Variants in STAMBP observed in about 807,000 individuals in gnomAD.
STAMBP encodes the protein STAM binding protein.
In STAMBP, 31 loss-of-function variants were observed where a neutral mutation model predicts 50.7. That is an observed-to-expected ratio of 0.61 (90% confidence interval 0.46 to 0.83). The LOEUF (loss-of-function observed/expected upper bound fraction) is 0.83. Among genes scored for constraint, STAMBP ranks in the 40% least tolerant of loss-of-function variants. STAMBP has a pLI of 0.00. For missense variants in STAMBP, 472 were observed against 518.9 expected (o/e 0.91, Z 0.88); for synonymous variants, 211 against 192.4 (o/e 1.10, Z -0.80).
chr2:73,872,742 T>C (rs898201471), intron 10 of STAMBP, among the ~76,000 whole-genome samples: 3 of 152,174 alleles, frequency 2.0e-5, no homozygotes, highest in African/African-American at 7.2e-5. Context: ...TAAATTCAAG[T>C]CCCACAGGAC....
downstream of STAMBP, among the ~76,000 whole-genome samples, chr2:73,869,449 A>G (rs964076692): frequency 6.6e-6 from 1 of 152,222 alleles, no homozygotes; most frequent in Non-Finnish European, 1.5e-5. Flanking sequence ...TAAAGATGCT[A>G]CGTCTTCTTT....
intron 1 of STAMBP, 124 bp downstream of exon 1, chr2:73,829,634 G>C (rs542194802): frequency 2.6e-5 from 4 of 152,328 alleles, no homozygotes; most frequent in East Asian, 3.9e-4. Flanking sequence ...AGGAGGCCTC[G>C]TGAGAGATGG....
downstream of STAMBP, among the ~76,000 whole-genome samples, chr2:73,868,116 C>A: frequency 7.2e-6 from 1 of 139,822 alleles, no homozygotes; most frequent in Admixed American, 7.2e-5. Flanking sequence ...AAGAGCAAAA[C>A]TCTGTCTCAA....
At chr2:73,832,108 T>TATATATATATATACAC (rs1006072205) in intron 2 of STAMBP, among the ~76,000 whole-genome samples, 38 of 122,896 alleles carry the variant, frequency 3.1e-4, no homozygotes, top group South Asian at 7.4e-4. Context: ...TATATATATA[T>TATATATATATATACAC]ACACATATAT....
At chr2:73,853,312 G>A (rs957343139) in intron 7 of STAMBP, among the ~76,000 whole-genome samples, 1 of 152,182 alleles carries the variant, frequency 6.6e-6, no homozygotes, top group African/African-American at 2.4e-5. Flanking sequence ...ATGGAATGGT[G>A]GTTTAAGGAG....
intron 9 of STAMBP, among the ~76,000 whole-genome samples, chr2:73,861,078 T>A (rs1010113573): frequency 6.6e-6 from 1 of 152,190 alleles, no homozygotes; most frequent in Admixed American, 6.5e-5. Context: ...ACTAGGATGT[T>A]GAAACAAAGA....
chr2:73,849,819 A>G (rs1461308642), intron 6 of STAMBP, among the ~76,000 whole-genome samples: 1 of 152,178 alleles, frequency 6.6e-6, no homozygotes, highest in Non-Finnish European at 1.5e-5. Flanking sequence ...TGTGTCCACG[A>G]AAAGTGCCCA....
At chr2:73,831,179 A>G in intron 2 of STAMBP, 120 bp downstream of exon 2, 1 of 768,550 alleles carries the variant, frequency 1.3e-6, no homozygotes. Context: ...TTTGCTGGCA[A>G]CTCCTACATA....
At chr2:73,840,611 G>A (rs115889577) in intron 2 of STAMBP, among the ~76,000 whole-genome samples, 3,008 of 151,934 alleles carry the variant, frequency 0.02, 99 homozygotes, top group African/African-American at 0.068. Context: ...GGGCGTGGTA[G>A]CAGGTGCCTC....
intron 4 of STAMBP, among the ~76,000 whole-genome samples, chr2:73,845,585 A>G (rs933644311): frequency 2.8e-4 from 43 of 152,212 alleles, no homozygotes; most frequent in African/African-American, 1.0e-3. Context: ...GGTTGGATTC[A>G]CATTTGGTTA....
At chr2:73,836,268 C>T (rs576115656) in intron 2 of STAMBP, among the ~76,000 whole-genome samples, 5 of 152,340 alleles carry the variant, frequency 3.3e-5, no homozygotes, top group East Asian at 1.9e-4. Context: ...GGCCCGTCGT[C>T]GGAACCTCCG....
At chr2:73,854,843 T>G (rs985513529) in intron 7 of STAMBP, among the ~76,000 whole-genome samples, 1 of 151,816 alleles carries the variant, frequency 6.6e-6, no homozygotes, top group African/African-American at 2.4e-5. Flanking sequence ...AAAAAAATTA[T>G]GCATTTGTGG....
chr2:73,853,246 A>T (rs13012471), intron 7 of STAMBP, among the ~76,000 whole-genome samples: 15,470 of 152,122 alleles, frequency 0.1, 1,786 homozygotes, highest in African/African-American at 0.28. Flanking sequence ...GTTTGTGGAG[A>T]CAATGAAGTA....
chr2:73,847,879 A>G, intron 5 of STAMBP, 126 bp downstream of exon 5: 1 of 1,255,864 alleles, frequency 8.0e-7, no homozygotes, highest in Middle Eastern at 2.8e-4. Flanking sequence ...AACCCATCTG[A>G]TAAGTATTGC....
intron 9 of STAMBP, 61 bp from the exon 10 acceptor site, chr2:73,862,142 A>G (rs1236749609): frequency 1.8e-5 from 26 of 1,461,282 alleles, no homozygotes; most frequent in Non-Finnish European, 2.2e-5. Context: ...ATATGAAGAA[A>G]AAAAAAAAAA....
chr2:73,849,927 C>T (rs548638917), intron 6 of STAMBP, among the ~76,000 whole-genome samples: 35 of 152,224 alleles, frequency 2.3e-4, no homozygotes, highest in African/African-American at 8.2e-4. Flanking sequence ...AAGGAAAGGT[C>T]ACTGAATGGA....
At chr2:73,835,322 C>CCA (rs1674579180) in intron 2 of STAMBP, among the ~76,000 whole-genome samples, 1 of 150,512 alleles carries the variant, frequency 6.6e-6, no homozygotes, top group Non-Finnish European at 1.5e-5. Flanking sequence ...GCACTGCACT[C>CCA]CAGCCTGGGT....
At chr2:73,837,912 G>T (rs1409065012) in intron 2 of STAMBP, among the ~76,000 whole-genome samples, 1 of 152,176 alleles carries the variant, frequency 6.6e-6, no homozygotes, top group Non-Finnish European at 1.5e-5. Context: ...AGGTTCAAGA[G>T]GCAGGAGGAA....
chr2:73,870,562 G>A (rs1035723693), downstream of STAMBP, among the ~76,000 whole-genome samples: 14 of 152,120 alleles, frequency 9.2e-5, no homozygotes, highest in Non-Finnish European at 1.8e-4. Context: ...CTGGACTTGC[G>A]TTAGAATGTA....
Sources: gnomAD v4.1 joint callset for allele counts (sites outside exome capture counted in the v4.1 genomes callset) on GRCh38, gnomAD v4.1.1 for gene constraint, MANE v1.5 for transcripts, NCBI Gene and HGNC (gene_info 2026-07-23, HGNC 2026-07-21) for gene names.